TNIP3: variants seen among roughly 807,000 people sequenced by gnomAD.
TNIP3 encodes the protein TNFAIP3-interacting protein 3.
In TNIP3, 34 loss-of-function variants were observed where a neutral mutation model predicts 54.1. The observed-to-expected ratio is 0.63, with a 90% CI of 0.48 to 0.84. The LOEUF is 0.84. Ranked by LOEUF, TNIP3 falls within the 40% of genes least tolerant of loss-of-function variation. The pLI is 0.00. For missense variants in TNIP3, 366 were observed against 387.6 expected, an observed-to-expected ratio of 0.94 and a Z score of 0.47; for synonymous variants, 134 against 136.8, an observed-to-expected ratio of 0.98 and a Z score of 0.14.
chr4:121,214,057 C>T (rs1043994546), intron 2 of TNIP3, among the ~76,000 whole-genome samples: 1 of 152,104 alleles, frequency 6.6e-6, no homozygotes, highest in African/African-American at 2.4e-5. Context: ...TACGTAGGAC[C>T]GAAAGCACTT....
chr4:121,132,494 G>A lies in TNIP3; in HGVS notation c.*137C>T. 1 of 779,590 alleles carries A rather than the reference G, an allele frequency of 1.3e-6. No individual in the cohort carries two copies. Among genetic ancestry groups the A allele is most frequent in the Non-Finnish European group, 2.1e-6 (1 of 480,120 alleles). 48.3% of individuals were successfully genotyped at this position (779,590 alleles called of 1,614,324 possible). ...AGCCTTTTCCTGTATTCATACCAAA[G>A]GAAAACATGACCAGGCACAAATAAC... On this transcript the variant is annotated 3_prime_UTR_variant, in exon 11 of 11. Transcript: ENST00000057513.
At chr4:121,208,418 A>C (rs1027070502) in intron 2 of TNIP3, among the ~76,000 whole-genome samples, 2 of 152,116 alleles carry the variant, frequency 1.3e-5, no homozygotes, top group African/African-American at 4.8e-5. Context: ...TGTGGCCCCC[A>C]CCCAGGAACT....
At chr4:121,177,570 C>T (rs1724434937) in intron 3 of TNIP3, among the ~76,000 whole-genome samples, 1 of 152,226 alleles carries the variant, frequency 6.6e-6, no homozygotes, top group South Asian at 2.1e-4. Flanking sequence ...ACACCCTTCA[C>T]ATCCCATAAA....
At position 121,141,917 on chromosome 4, in the gene TNIP3, G is replaced by A; in HGVS notation, c.787-3C>T. On this transcript the variant is annotated splice_polypyrimidine_tract_variant and splice_region_variant and intron_variant, in intron 8 of 10. Transcript: ENST00000057513. ...CAGTTACAGGGTGGGCAATACATCT[G>A]AGGAGAACAAAACTGTGGGGTCACT... 2 of 1,588,912 alleles carry A rather than the reference G, an allele frequency of 1.3e-6. No homozygotes were observed. Among genetic ancestry groups the A allele is most frequent in the Non-Finnish European group, 8.6e-7 (1 of 1,168,088 alleles).
chr4:121,216,298 C>T (rs1178041126), intron 2 of TNIP3: 1 of 830,752 alleles, frequency 1.2e-6, no homozygotes, highest in African/African-American at 1.7e-5. Context: ...TTCTATATAG[C>T]TCCATTCAGA....
At chr4:121,167,785 T>G (rs1730844869), upstream of TNIP3, among the ~76,000 whole-genome samples, 1 of 152,158 alleles carries the variant, frequency 6.6e-6, no homozygotes, top group Non-Finnish European at 1.5e-5. Flanking sequence ...AATATTTATT[T>G]TAACAGCTTG....
At chr4:121,156,072 G>A (rs1252205127) in intron 4 of TNIP3, among the ~76,000 whole-genome samples, 1 of 152,190 alleles carries the variant, frequency 6.6e-6, no homozygotes, top group African/African-American at 2.4e-5. Flanking sequence ...GGAAATGACT[G>A]CTACATGGCA....
At chr4:121,138,520 T>C in intron 10 of TNIP3, 104 bp downstream of exon 10, 2 of 1,107,146 alleles carry the variant, frequency 1.8e-6, no homozygotes, top group Admixed American at 1.8e-5. Context: ...AACTTTATAG[T>C]AAGTCCTCCC....
intron 1 of TNIP3, among the ~76,000 whole-genome samples, chr4:121,222,232 C>T (rs189683508): frequency 6.6e-6 from 1 of 152,108 alleles, no homozygotes; most frequent in Non-Finnish European, 1.5e-5. Context: ...ATAGAATGTT[C>T]CTTCATTCTG....
chr4:121,155,559 A>G (rs1057291957), intron 4 of TNIP3, among the ~76,000 whole-genome samples: 7 of 152,192 alleles, frequency 4.6e-5, no homozygotes, highest in Non-Finnish European at 1.0e-4. Flanking sequence ...CTCCAATTTT[A>G]GATGACAATC....
At chr4:121,187,792 C>T (rs1308612489) in intron 2 of TNIP3, among the ~76,000 whole-genome samples, 3 of 152,106 alleles carry the variant, frequency 2.0e-5, no homozygotes, top group Non-Finnish European at 4.4e-5. Flanking sequence ...AATATGTGTG[C>T]TATGTGTTTA....
chr4:121,215,832 C>T (rs1176243076), intron 2 of TNIP3, among the ~76,000 whole-genome samples: 2 of 150,510 alleles, frequency 1.3e-5, no homozygotes, highest in Non-Finnish European at 2.9e-5. Context: ...TCTGATTCCT[C>T]TTCTGCAAGT....
chr4:121,168,435 G>A (rs894319465), upstream of TNIP3, among the ~76,000 whole-genome samples: 2 of 151,934 alleles, frequency 1.3e-5, no homozygotes, highest in African/African-American at 4.8e-5. Flanking sequence ...TTCTGACCTT[G>A]TGATCCACCC....
upstream of TNIP3, among the ~76,000 whole-genome samples, chr4:121,166,479 G>C (rs573562293): frequency 1.2e-4 from 18 of 152,192 alleles, no homozygotes; most frequent in Non-Finnish European, 2.2e-4. Flanking sequence ...TTCATGAGAA[G>C]TATCACTAGC....
upstream of TNIP3, among the ~76,000 whole-genome samples, chr4:121,168,866 G>A (rs377698537): frequency 2.6e-5 from 4 of 152,056 alleles, no homozygotes; most frequent in Non-Finnish European, 5.9e-5. Context: ...TTTTAAGAGC[G>A]TGTCCAGCAG....
intron 2 of TNIP3, among the ~76,000 whole-genome samples, chr4:121,190,096 G>A (rs1231848172): frequency 6.6e-6 from 1 of 152,184 alleles, no homozygotes; most frequent in Non-Finnish European, 1.5e-5. Flanking sequence ...ACATAGGTTT[G>A]GCCTTCTTCT....
intron 2 of TNIP3, among the ~76,000 whole-genome samples, chr4:121,215,444 CAA>C (rs1157448826): frequency 2.0e-5 from 3 of 152,174 alleles, no homozygotes; most frequent in African/African-American, 7.2e-5. Context: ...GTCTCTCACT[CAA>C]GAGAGAGTAT....
chr4:121,147,564 A>G (rs1729504478), intron 6 of TNIP3, among the ~76,000 whole-genome samples: 1 of 152,240 alleles, frequency 6.6e-6, no homozygotes, highest in South Asian at 2.1e-4. Flanking sequence ...TCTCATAAAT[A>G]ATAGTAATAT....
At chr4:121,156,709 A>G (rs944408186) in intron 4 of TNIP3, among the ~76,000 whole-genome samples, 8 of 152,288 alleles carry the variant, frequency 5.3e-5, no homozygotes, top group East Asian at 1.9e-4. Context: ...GTATTGCCAT[A>G]TTATTATTAT....
Sources: allele counts gnomAD v4.1 joint callset (sites outside exome capture counted in the v4.1 genomes callset), GRCh38; gene constraint gnomAD v4.1.1; transcripts MANE v1.5; gene names NCBI Gene and HGNC (gene_info 2026-07-23, HGNC 2026-07-21).